The following AMOT variants were observed in gnomAD, a reference collection of about 807,000 sequenced individuals.
AMOT encodes angiomotin.
A neutral mutation model predicts 67.0 loss-of-function variants in AMOT; 11 were observed. The observed-to-expected ratio is 0.16, with a 90% CI of 0.10 to 0.27. The LOEUF (loss-of-function observed/expected upper bound fraction) is 0.27. Among genes scored for constraint, AMOT ranks in the 10% least tolerant of loss-of-function variants. AMOT has a pLI of 1.00. For missense variants in AMOT, 753 were observed against 852.0 expected (o/e 0.88, Z 1.45); for synonymous variants, 326 against 321.4 (o/e 1.01, Z -0.15).
chrX:112,829,744 T>C (rs1934940166), intron 2 of AMOT, among the ~76,000 whole-genome samples: 2 of 111,907 alleles, frequency 1.8e-5, no homozygotes, highest in South Asian at 7.5e-4. Flanking sequence ...CCAGTTTGAC[T>C]TTGCTTTGCT....
At chrX:112,835,915 C>A (rs1378831394) in intron 1 of AMOT, among the ~76,000 whole-genome samples, 1 of 111,303 alleles carries the variant, frequency 9.0e-6, no homozygotes, top group African/African-American at 3.3e-5. Context: ...CACATGTATA[C>A]CACACCTTTG....
intron 1 of AMOT, among the ~76,000 whole-genome samples, chrX:112,839,086 C>T (rs977481735): frequency 1.8e-5 from 2 of 112,231 alleles, no homozygotes; most frequent in Non-Finnish European, 3.8e-5. Flanking sequence ...TTCCTACTTT[C>T]CTTTCACTCA....
intron 4 of AMOT, among the ~76,000 whole-genome samples, chrX:112,818,648 C>G (rs1934631284): frequency 9.0e-6 from 1 of 111,656 alleles, no homozygotes; most frequent in Non-Finnish European, 1.9e-5. Flanking sequence ...TGGGGTGAAG[C>G]TCCCCGTGAG....
At chrX:112,835,009 C>A (rs770639232) in intron 1 of AMOT, among the ~76,000 whole-genome samples, 48 of 111,984 alleles carry the variant, frequency 4.3e-4, no homozygotes, top group African/African-American at 1.5e-3. Flanking sequence ...CAATGGGGCA[C>A]CAAAGGGCAC....
intron 10 of AMOT, among the ~76,000 whole-genome samples, chrX:112,788,247 C>T (rs1444827567): frequency 1.8e-5 from 2 of 108,353 alleles, no homozygotes; most frequent in Non-Finnish European, 3.8e-5. Flanking sequence ...CGAGATAGCA[C>T]CACTGCACTC....
intron 1 of AMOT, among the ~76,000 whole-genome samples, chrX:112,832,750 T>C (rs373585427): frequency 2.1e-4 from 23 of 111,963 alleles, no homozygotes; most frequent in African/African-American, 7.5e-4. Flanking sequence ...CTAACATAAT[T>C]GAGAGCTCCC....
chrX:112,778,675 A>G lies in AMOT; in HGVS notation c.3158-11T>C, dbSNP rs1933001566. On this transcript the variant is annotated splice_polypyrimidine_tract_variant and intron_variant, in intron 13 of 13. Coordinates refer to ENST00000371959, the MANE Select transcript of AMOT (RefSeq NM_001113490.2). ...GGAACACAGGCCCATCTAAATGGAA[A>G]TAAGGGTTAGAAAACACTTAGGGAT... The G allele has an allele frequency of 8.5e-7, 1 of 1,173,012 alleles. No homozygotes were observed. The highest frequency in any genetic ancestry group is 1.2e-6 in the Non-Finnish European group (1 of 867,420).
In AMOT at chrX:112,777,941, C is replaced by A. The variant is rs1329865671; in HGVS notation, c.*626G>T. The A allele has an allele frequency of 8.9e-6, 1 of 112,522 alleles. No homozygotes were observed. Among genetic ancestry groups the A allele is most frequent in the Admixed American group, 9.5e-5 (1 of 10,580 alleles). The allele number at this position is 112,522 out of a possible 1,213,427, so 9.3% of individuals were successfully genotyped here. On this transcript the variant is annotated 3_prime_UTR_variant, in exon 14 of 14. Coordinates refer to ENST00000371959, the MANE Select transcript of AMOT (RefSeq NM_001113490.2). ...GAACCAAAAGAATCCATTTCCAAAG[C>A]ACCACTGAAATGAAGACAAACACAA...
At chrX:112,779,942 C>G (rs1232008532) in intron 12 of AMOT, among the ~76,000 whole-genome samples, 1 of 110,958 alleles carries the variant, frequency 9.0e-6, no homozygotes, top group Non-Finnish European at 1.9e-5. Flanking sequence ...CTACAGACTT[C>G]GAGGATCCCT....
intron 10 of AMOT, among the ~76,000 whole-genome samples, chrX:112,786,374 C>T (rs2038692): frequency 0.26 from 28,985 of 111,158 alleles, 3,930 homozygotes; most frequent in African/African-American, 0.52. Flanking sequence ...ACATAGTTGA[C>T]TGGGTGGGTT....
At chrX:112,789,644 G>A (rs944933590) in intron 10 of AMOT, among the ~76,000 whole-genome samples, 1 of 110,736 alleles carries the variant, frequency 9.0e-6, no homozygotes, top group African/African-American at 3.3e-5. Context: ...CCAACCCAAA[G>A]TCTGGCAAGC....
rs906531498 is a variant in AMOT, at chrX:112,774,927, T to C, written c.*3640A>G. 3.6e-5 allele frequency: 4 copies of C among 112,334 alleles called. No individual in the cohort carries two copies. The highest frequency in any genetic ancestry group is 7.5e-5 in the Non-Finnish European group (4 of 53,309). 9.3% of individuals were successfully genotyped at this position (112,334 alleles called of 1,213,427 possible). A position where few individuals can be genotyped will look rare whatever the true frequency, so the allele number is the denominator to read the frequency against. ...TGTCAGTGAAAAGATAGGCACAAAG[T>C]GGATTTAAACCTGCTTAACTTTATT... On this transcript the variant is annotated 3_prime_UTR_variant, in exon 14 of 14. Transcript: ENST00000371959.
intron 8 of AMOT, among the ~76,000 whole-genome samples, chrX:112,797,342 A>G (rs1933856744): frequency 9.0e-6 from 1 of 111,437 alleles, no homozygotes; most frequent in Non-Finnish European, 1.9e-5. Context: ...ATAACACCTA[A>G]CAGATCTTAC....
At chrX:112,835,404 A>G (rs1313556805) in intron 1 of AMOT, among the ~76,000 whole-genome samples, 1 of 110,493 alleles carries the variant, frequency 9.1e-6, no homozygotes, top group Non-Finnish European at 1.9e-5. Flanking sequence ...CTTAGGAAAC[A>G]TTGGCAAATA....
chrX:112,836,372 G>C (rs1158667660), intron 1 of AMOT, among the ~76,000 whole-genome samples: 1 of 111,923 alleles, frequency 8.9e-6, no homozygotes, highest in Non-Finnish European at 1.9e-5. Context: ...AGAGTGTTTA[G>C]GGATTACTTA....
rs1934119963 is a variant in AMOT at position 112,804,848 on chromosome X, G to T, written c.1776+99C>A. On this transcript the variant is annotated intron_variant, in intron 8 of 13. Coordinates refer to ENST00000371959, the MANE Select transcript of AMOT (RefSeq NM_001113490.2). ...CAGCAGATGGCACCTCCCTTCTGGG[G>T]ATTATGCAGCTGCCAATTCACCACA... 2.0e-5 allele frequency: 22 copies of T among 1,112,240 alleles called. No homozygotes were observed. In the Admixed American group the frequency reaches 5.1e-4, roughly 26 times the overall value. 91.7% of individuals were successfully genotyped at this position (1,112,240 alleles called of 1,213,427 possible).
intron 11 of AMOT, 101 bp downstream of exon 11, chrX:112,782,439 C>T (rs777011070): frequency 1.4e-4 from 158 of 1,090,911 alleles, no homozygotes; most frequent in African/African-American, 1.2e-3. Context: ...GATGGTGGAG[C>T]GGGGAGGCTG....
At chrX:112,804,903 GCCCT>G in intron 8 of AMOT, 40 bp downstream of exon 8, 2 of 380,709 alleles carry the variant, frequency 5.3e-6, no homozygotes, top group Non-Finnish European at 5.1e-6. Flanking sequence ...CGATTTCCCA[GCCCT>G]CCCACCCCCA....
intron 8 of AMOT, among the ~76,000 whole-genome samples, chrX:112,792,663 G>C: frequency 8.9e-6 from 1 of 111,893 alleles, no homozygotes. Flanking sequence ...GCACTGCCTT[G>C]CTAGTTCTTT....
Sources: gnomAD v4.1 joint callset for allele counts (sites outside exome capture counted in the v4.1 genomes callset) on GRCh38, gnomAD v4.1.1 for gene constraint, MANE v1.5 for transcripts, NCBI Gene and HGNC (gene_info 2026-07-23, HGNC 2026-07-21) for gene names.